The following UBASH3B variants were observed in gnomAD, a reference collection of about 807,000 sequenced individuals.
UBASH3B encodes the protein ubiquitin associated and SH3 domain containing B, also known as ubiquitin-associated and SH3 domain-containing protein B.
In UBASH3B, 37 loss-of-function variants were observed where a neutral mutation model predicts 83.4. That is an observed-to-expected ratio of 0.44 (90% CI 0.34 to 0.58). UBASH3B has a LOEUF of 0.58. Among genes scored for constraint, UBASH3B ranks in the 20% least tolerant of loss-of-function variants. The pLI is 0.01. For synonymous variants in UBASH3B, 304 were observed against 318.3 expected (o/e 0.96, Z 0.48); for missense variants, 657 against 827.2 (o/e 0.79, Z 2.52).
intron 1 of UBASH3B, 51 bp downstream of exon 1, chr11:122,656,261 G>A: frequency 7.5e-7 from 1 of 1,332,820 alleles, no homozygotes; most frequent in Non-Finnish European, 9.6e-7. Context: ...GCGCGCGGCC[G>A]GCCCTCGGCT....
chr11:122,708,049 A>G (rs766097755), intron 1 of UBASH3B, among the ~76,000 whole-genome samples: 22 of 152,132 alleles, frequency 1.4e-4, no homozygotes, highest in Non-Finnish European at 2.6e-4. Flanking sequence ...TTCTTTGGCT[A>G]TCTCTTCTCC....
intron 11 of UBASH3B, among the ~76,000 whole-genome samples, chr11:122,802,607 C>G (rs549178578): frequency 3.9e-5 from 6 of 152,162 alleles, no homozygotes; most frequent in Non-Finnish European, 8.8e-5. Flanking sequence ...TTTCCATACT[C>G]ATTTTTTCTG....
intron 1 of UBASH3B, among the ~76,000 whole-genome samples, chr11:122,691,137 G>A (rs558476815): frequency 6.6e-6 from 1 of 152,156 alleles, no homozygotes; most frequent in Non-Finnish European, 1.5e-5. Flanking sequence ...TCTCCAAAAC[G>A]GAGTTTTTCT....
At chr11:122,751,075 G>T (rs866473065) in intron 1 of UBASH3B, among the ~76,000 whole-genome samples, 1 of 151,416 alleles carries the variant, frequency 6.6e-6, no homozygotes, top group Non-Finnish European at 1.5e-5. Flanking sequence ...CGTACCACGC[G>T]CCTGGGTTTT....
At chr11:122,755,762 G>A (rs1861273169) in intron 1 of UBASH3B, among the ~76,000 whole-genome samples, 1 of 152,104 alleles carries the variant, frequency 6.6e-6, no homozygotes, top group African/African-American at 2.4e-5. Context: ...TCAGGCCCGA[G>A]GTCCGATAAT....
rs71054088 is a variant in UBASH3B at position 122,694,954 on chromosome 11, C to CTTTTTTTTTT, written c.161+38762_161+38771dup. Among the ~76,000 whole-genome samples the CTTTTTTTTTT allele has an allele frequency of 7.2e-3, 364 of 50,456 alleles. 49 individuals are homozygous for CTTTTTTTTTT. Among genetic ancestry groups the CTTTTTTTTTT allele is most frequent in the Non-Finnish European group, 9.5e-3 (268 of 28,074 alleles). 33.1% of individuals were successfully genotyped at this position (50,456 alleles called of 152,430 possible). On this transcript the variant is annotated intron_variant, in intron 1 of 13. Transcript: ENST00000284273. ...TATTTATTTTTCTTTTCTTTTCTTTCTTTTTTTTTTTTTTTTTTTTTTTTT... is the reference window on the plus strand; with the variant it reads ...TATTTATTTTTCTTTTCTTTTCTTTCTTTTTTTTTTTTTTTTTTTTTTTTTTTTTTTTTTT...
intron 1 of UBASH3B, among the ~76,000 whole-genome samples, chr11:122,753,972 G>A (rs1240967161): frequency 4.6e-5 from 7 of 152,158 alleles, no homozygotes; most frequent in Non-Finnish European, 8.8e-5. Flanking sequence ...ATGTCCAGCC[G>A]AATGTTCTGT....
At chr11:122,668,289 A>C (rs750380671) in intron 1 of UBASH3B, among the ~76,000 whole-genome samples, 1 of 152,198 alleles carries the variant, frequency 6.6e-6, no homozygotes, top group Non-Finnish European at 1.5e-5. Flanking sequence ...TGCGTGGCCG[A>C]GTCAGCTTTC....
At position 122,729,975 on chromosome 11, in the gene UBASH3B, T is replaced by TAAAAAAA. The variant is rs34778631; in HGVS notation, c.162-46221_162-46215dup. Among the ~76,000 whole-genome samples the TAAAAAAA allele has an allele frequency of 7.2e-5, 2 of 27,964 alleles. 1 individual carries two copies. The highest frequency in any genetic ancestry group is 3.5e-4 in the African/African-American group (2 of 5,660). 18.3% of individuals were successfully genotyped at this position (27,964 alleles called of 152,430 possible). Reference sequence around the variant, plus strand: ...CTGGGTGACAGAGTGAGACCCTATCTAAAAAAAAAAAAAAAAAAAAAAAAA... The same window carrying TAAAAAAA: ...CTGGGTGACAGAGTGAGACCCTATCTAAAAAAAAAAAAAAAAAAAAAAAAAAAAAAAA... On this transcript the variant is annotated intron_variant, in intron 1 of 13. Transcript: ENST00000284273.
intron 5 of UBASH3B, among the ~76,000 whole-genome samples, chr11:122,786,366 A>G (rs977002100): frequency 6.0e-5 from 9 of 149,270 alleles, no homozygotes; most frequent in African/African-American, 1.5e-4. Context: ...AAGAGTTCTT[A>G]TGAGTACAGG....
intron 1 of UBASH3B, among the ~76,000 whole-genome samples, chr11:122,668,365 T>G (rs116809823): frequency 0.013 from 1,987 of 152,298 alleles, 48 homozygotes; most frequent in African/African-American, 0.046. Flanking sequence ...AGCCTTTTCA[T>G]ATGGTTTTCT....
intron 1 of UBASH3B, among the ~76,000 whole-genome samples, chr11:122,659,174 A>G (rs1863401360): frequency 6.6e-6 from 1 of 152,084 alleles, no homozygotes; most frequent in South Asian, 2.1e-4. Flanking sequence ...CCATCTCAAG[A>G]TCATTATCTG....
At position 122,776,212 on chromosome 11, in the gene UBASH3B, C is replaced by T. The variant is rs183703621; in HGVS notation, c.162-7C>T. On this transcript the variant is annotated splice_polypyrimidine_tract_variant and splice_region_variant and intron_variant, in intron 1 of 13. Coordinates refer to ENST00000284273, the MANE Select transcript of UBASH3B (RefSeq NM_032873.5). ...ATTAACAATAGAAATTTGATTTCTT[C>T]TTTCAGACAAAAAGCCTTGGCATCC... 64 of 1,610,456 alleles carry T rather than the reference C, an allele frequency of 4.0e-5. No individual in the cohort carries two copies. In the Admixed American group the frequency reaches 8.8e-4, roughly 22 times the overall value.
At chr11:122,667,498 G>A (rs944052382) in intron 1 of UBASH3B, among the ~76,000 whole-genome samples, 1 of 152,154 alleles carries the variant, frequency 6.6e-6, no homozygotes, top group Non-Finnish European at 1.5e-5. Context: ...ATCTAGGGTG[G>A]AAGATACACG....
At chr11:122,794,671 C>A (rs762895554) in intron 6 of UBASH3B, 31 bp from the exon 7 acceptor site, 4 of 1,613,438 alleles carry the variant, frequency 2.5e-6, no homozygotes, top group South Asian at 1.1e-5. Flanking sequence ...CTGGCCAGAG[C>A]AGTTAACACC....
chr11:122,679,538 A>G (rs1863712001), intron 1 of UBASH3B, among the ~76,000 whole-genome samples: 1 of 152,170 alleles, frequency 6.6e-6, no homozygotes, highest in Non-Finnish European at 1.5e-5. Flanking sequence ...CCACTTTAAT[A>G]AGATCCTTAG....
chr11:122,711,223 C>G (rs1399572522), intron 1 of UBASH3B, among the ~76,000 whole-genome samples: 1 of 152,226 alleles, frequency 6.6e-6, no homozygotes, highest in African/African-American at 2.4e-5. Flanking sequence ...CCCAGGCTCC[C>G]AAAATCTCTG....
chr11:122,679,596 G>A (rs886355302), intron 1 of UBASH3B, among the ~76,000 whole-genome samples: 5 of 152,222 alleles, frequency 3.3e-5, no homozygotes, highest in Non-Finnish European at 5.9e-5. Flanking sequence ...TCTCTAGCAA[G>A]GACCAGCAAA....
intron 1 of UBASH3B, among the ~76,000 whole-genome samples, chr11:122,772,123 C>T (rs932812876): frequency 1.3e-5 from 2 of 152,194 alleles, no homozygotes; most frequent in African/African-American, 2.4e-5. Flanking sequence ...CCAGTGGCAC[C>T]TCTTTGAGTC....
Sources: gnomAD v4.1 joint callset for allele counts (sites outside exome capture counted in the v4.1 genomes callset) on GRCh38, gnomAD v4.1.1 for gene constraint, MANE v1.5 for transcripts, NCBI Gene and HGNC (gene_info 2026-07-23, HGNC 2026-07-21) for gene names.